The following CCDC144A variants were observed in gnomAD, a reference collection of about 807,000 sequenced individuals.
CCDC144A encodes the protein coiled-coil domain containing 144A.
In CCDC144A, 41 loss-of-function variants were observed where a neutral mutation model predicts 143.8. That is an observed-to-expected ratio of 0.29 (90% confidence interval 0.22 to 0.37). The LOEUF is 0.37. Ranked by LOEUF, CCDC144A falls within the 10% of genes least tolerant of loss-of-function variation. CCDC144A has a pLI of 1.00. For missense variants in CCDC144A, 637 were observed against 1,488.8 expected, an observed-to-expected ratio of 0.43 and a Z score of 9.41; for synonymous variants, 242 against 517.9, an observed-to-expected ratio of 0.47 and a Z score of 7.23.
intron 12 of CCDC144A, among the ~76,000 whole-genome samples, chr17:16,748,477 C>T (rs1229356817): frequency 1.3e-5 from 2 of 152,108 alleles, no homozygotes; most frequent in African/African-American, 2.4e-5. Flanking sequence ...TGATGTGTTG[C>T]TGGATTTTGT....
At position 16,757,489 on chromosome 17, in the gene CCDC144A, G is replaced by A. The variant is rs560502589; in HGVS notation, c.3373-3936G>A. ...TAGATGGGGCCTGGGTAAAGGCACA[G>A]AGGCCTGGGTGGGGTGGGCTGCTCC... On this transcript the variant is annotated intron_variant, in intron 12 of 16. Transcript: ENST00000399273. Among the ~76,000 whole-genome samples, 11 of 152,378 alleles carry A rather than the reference G, an allele frequency of 7.2e-5. No homozygotes were observed. The South Asian group carries it at 2.3e-3, about 32-fold the overall frequency.
rs766151229 is a variant in CCDC144A at position 16,709,203 on chromosome 17, G to A, written c.1146G>A (p.Gly382=). The part of the protein sequence containing the change: ...IIHPYYHPYS[G]SQEHVCQSSS... ...ATCCATACTATCATCCATACTCTGG[G>A]TCCCAGGAACATGTTTGCCAGTCAT... The change falls in exon 5 of 17, where the codon GGG becomes GGA. Residue 382 remains glycine (G), a synonymous_variant. Transcript: ENST00000399273. 1 of 1,611,584 alleles carries A rather than the reference G, an allele frequency of 6.2e-7. No homozygotes were observed. Among genetic ancestry groups the A allele is most frequent in the Non-Finnish European group, 8.5e-7 (1 of 1,179,646 alleles).
chr17:16,683,325 G>A, the CCDC144A span: 5 of 583,810 alleles, frequency 8.6e-6, no homozygotes, highest in East Asian at 1.4e-4. Context: ...AAAAACGAAT[G>A]AATTGTAAAA....
intron 12 of CCDC144A, chr17:16,746,422 T>G (rs1269355416): frequency 6.3e-7 from 1 of 1,576,472 alleles, no homozygotes; most frequent in Non-Finnish European, 8.7e-7. Context: ...CCAAAAGAGG[T>G]GTGGTTCTTC....
chr17:16,708,200 A>T (rs762058197), intron 4 of CCDC144A, among the ~76,000 whole-genome samples: 1 of 152,324 alleles, frequency 6.6e-6, no homozygotes, highest in East Asian at 1.9e-4. Context: ...ATATTAGAAC[A>T]GAACTGAAGA....
At chr17:16,677,863 A>T in the CCDC144A span, among the ~76,000 whole-genome samples, 1 of 152,000 alleles carries the variant, frequency 6.6e-6, no homozygotes, top group Non-Finnish European at 1.5e-5. Context: ...ACATGCAAAC[A>T]TCAGTGTCAT....
intron 6 of CCDC144A, chr17:16,712,086 T>C: frequency 2.5e-6 from 1 of 401,078 alleles, no homozygotes; most frequent in Non-Finnish European, 4.6e-6. Context: ...GCTGTGATCA[T>C]GCCATTGCAC....
chr17:16,757,438 A>G (rs1326537482), intron 12 of CCDC144A, among the ~76,000 whole-genome samples: 1 of 152,224 alleles, frequency 6.6e-6, no homozygotes, highest in Non-Finnish European at 1.5e-5. Flanking sequence ...CCGGTGGGGC[A>G]GTAGGACTCT....
intron 12 of CCDC144A, chr17:16,746,304 T>C: frequency 1.7e-6 from 2 of 1,172,460 alleles, no homozygotes; most frequent in Non-Finnish European, 2.4e-6. Flanking sequence ...TCTTCTTTTC[T>C]TCTTTTTTCC....
chr17:16,705,874 TC>T (rs1358114148), intron 3 of CCDC144A: 1 of 178,510 alleles, frequency 5.6e-6, no homozygotes, highest in Non-Finnish European at 1.2e-5. Flanking sequence ...GGTCAGTAGT[TC>T]GAGACCAGCC....
intron 12 of CCDC144A, among the ~76,000 whole-genome samples, chr17:16,759,100 C>G (rs1915237429): frequency 6.6e-6 from 1 of 152,130 alleles, no homozygotes; most frequent in African/African-American, 2.4e-5. Flanking sequence ...CCTGGCAGCA[C>G]CCTGGATTTG....
chr17:16,716,900 G>A (rs1211605926), intron 6 of CCDC144A, among the ~76,000 whole-genome samples: 2 of 139,892 alleles, frequency 1.4e-5, no homozygotes, highest in Non-Finnish European at 3.0e-5. Context: ...TGCAAGCTCC[G>A]CCTCCTGGGT....
chr17:16,734,965 A>G lies in CCDC144A; in HGVS notation c.2694A>G (p.Glu898=). The part of the protein sequence containing the change: ...LTAENKILNS[E]LENGKQNQER... ...CTGAGAACAAAATACTCAATTCTGA[A>G]CTGGAGAATGGGAAACAGAACCAAG... is the stretch of plus-strand genomic sequence containing the variant. The change falls in exon 12 of 17, where the codon GAA becomes GAG. Residue 898 remains glutamate (E), a synonymous_variant. Coordinates refer to ENST00000399273, the MANE Select transcript of CCDC144A (RefSeq NM_001382000.1). 6.3e-7 allele frequency: 1 copy of G among 1,598,004 alleles called. No homozygotes were observed. Among genetic ancestry groups the G allele is most frequent in the South Asian group, 1.1e-5 (1 of 88,228 alleles).
At chr17:16,769,660 G>A (rs1915747066) in intron 15 of CCDC144A, among the ~76,000 whole-genome samples, 1 of 152,192 alleles carries the variant, frequency 6.6e-6, no homozygotes, top group Non-Finnish European at 1.5e-5. Flanking sequence ...TTTGAAAAAT[G>A]GGTTCTTTAT....
intron 12 of CCDC144A, among the ~76,000 whole-genome samples, chr17:16,743,572 C>CT (rs1425310357): frequency 6.6e-6 from 1 of 151,784 alleles, no homozygotes; most frequent in Admixed American, 6.6e-5. Flanking sequence ...TATAGTCTAG[C>CT]TTTTTTGCAG....
intron 12 of CCDC144A, chr17:16,737,822 A>G (rs1914092524): frequency 2.8e-6 from 1 of 355,272 alleles, no homozygotes; most frequent in Non-Finnish European, 4.6e-6. Flanking sequence ...TTTATAATAC[A>G]CTTGTTTCTT....
intron 2 of CCDC144A, among the ~76,000 whole-genome samples, chr17:16,695,765 G>A (rs1911362234): frequency 6.6e-6 from 1 of 151,758 alleles, no homozygotes; most frequent in Non-Finnish European, 1.5e-5. Context: ...CACTTTATGT[G>A]GTGAGGAATG....
In CCDC144A at chr17:16,734,632, A is replaced by G. The variant is rs924324627; in HGVS notation, c.2419-58A>G. On this transcript the variant is annotated intron_variant, in intron 11 of 16. Coordinates refer to ENST00000399273, the MANE Select transcript of CCDC144A (RefSeq NM_001382000.1). ...CATTGTATACATTATTTAATTTCAG[A>G]GAAAATCATAATCTGTCATTTTATT... The G allele has an allele frequency of 1.3e-5, 19 of 1,431,150 alleles. No homozygotes were observed. In the African/African-American group the frequency reaches 2.6e-4, roughly 20 times the overall value. The allele number at this position is 1,431,150 out of a possible 1,614,324, so 88.7% of individuals were successfully genotyped here.
In CCDC144A at chr17:16,776,828, G is replaced by A. The variant is rs1490329275; in HGVS notation, c.*3195G>A. On this transcript the variant is annotated 3_prime_UTR_variant, in exon 17 of 17. Coordinates refer to ENST00000399273, the MANE Select transcript of CCDC144A (RefSeq NM_001382000.1). ...TTTTCAGGTACTCAGGCAACAAATA[G>A]CGTTACAATAGAATAGTACCTCACA... The A allele has an allele frequency of 9.8e-5, 15 of 152,314 alleles. No individual in the cohort carries two copies. The South Asian group carries it at 2.7e-3, about 27-fold the overall frequency. The allele number at this position is 152,314 out of a possible 1,614,324, so 9.4% of individuals were successfully genotyped here.
Sources: allele counts gnomAD v4.1 joint callset (sites outside exome capture counted in the v4.1 genomes callset), GRCh38; gene constraint gnomAD v4.1.1; transcripts MANE v1.5; gene names NCBI Gene and HGNC (gene_info 2026-07-23, HGNC 2026-07-21).